The following NPSR1 variants were observed in gnomAD, a reference collection of about 807,000 sequenced individuals.
NPSR1 encodes the protein neuropeptide S receptor 1, also known as neuropeptide S receptor.
Under a neutral mutation model 46.9 loss-of-function variants are expected in NPSR1, and 48 were observed. The observed-to-expected ratio is 1.02, with a 90% CI of 0.81 to 1.30. The LOEUF is 1.30. Ranked by LOEUF, NPSR1 falls within the 50% of genes most tolerant of loss-of-function variation. The probability of loss-of-function intolerance (pLI) is 0.00; values close to 1 mark genes in which losing one functional copy is unlikely to be tolerated. For synonymous variants in NPSR1, 176 were observed against 168.1 expected (o/e 1.05, Z -0.36); for missense variants, 450 against 449.5 (o/e 1.00, Z -0.01).
chr7:34,845,027 C>A, intron 7 of NPSR1, 45 bp downstream of exon 7: 2 of 1,375,222 alleles, frequency 1.5e-6, no homozygotes, highest in Non-Finnish European at 2.1e-6. Context: ...ATGAACGTCC[C>A]AAAAGCAAGT....
intron 6 of NPSR1, 82 bp downstream of exon 6, chr7:34,834,542 C>T: frequency 1.1e-6 from 1 of 935,158 alleles, no homozygotes; most frequent in Non-Finnish European, 1.8e-6. Flanking sequence ...GAGCTAGGGA[C>T]TCCTTGATAC....
rs372280119 is a variant in NPSR1, at chr7:34,802,075, G to C, written c.385-9695G>C. On this transcript the variant is annotated intron_variant, in intron 3 of 8. Coordinates refer to ENST00000360581, the MANE Select transcript of NPSR1 (RefSeq NM_207172.2). ...TCAATGAAATAAAAGAGGATACAAA[G>C]AAATGGAAGAACATTCCATGCTCAT... 6.0e-5 allele frequency among the ~76,000 whole-genome samples: 9 copies of C among 149,452 alleles called. 1 individual carries two copies. The highest frequency in any genetic ancestry group is 2.1e-4 in the South Asian group (1 of 4,810).
At chr7:34,751,438 C>T (rs1478599624) in intron 2 of NPSR1, 4 of 1,085,478 alleles carry the variant, frequency 3.7e-6, no homozygotes, top group Non-Finnish European at 5.7e-6. Flanking sequence ...TGTCTGTTTG[C>T]CATCCAACAG....
chr7:34,759,388 C>T (rs946724861), intron 2 of NPSR1, among the ~76,000 whole-genome samples: 1 of 152,072 alleles, frequency 6.6e-6, no homozygotes, highest in African/African-American at 2.4e-5. Context: ...ATCATAGGTT[C>T]TTCTTTTATT....
chr7:34,829,188 AG>A (rs1177849118), intron 5 of NPSR1, among the ~76,000 whole-genome samples: 1 of 152,202 alleles, frequency 6.6e-6, no homozygotes, highest in Non-Finnish European at 1.5e-5. Flanking sequence ...TAAGACTAAA[AG>A]AAGTTAACTG....
intron 4 of NPSR1, among the ~76,000 whole-genome samples, chr7:34,825,650 G>A (rs1789792806): frequency 6.6e-6 from 1 of 152,152 alleles, no homozygotes; most frequent in African/African-American, 2.4e-5. Context: ...AGTCAAGGAA[G>A]TGGCCACCAG....
intron 3 of NPSR1, among the ~76,000 whole-genome samples, chr7:34,808,324 C>A (rs1788809479): frequency 6.6e-6 from 1 of 152,152 alleles, no homozygotes; most frequent in South Asian, 2.1e-4. Context: ...TTGTTACAGC[C>A]ACCATAGGAA....
At chr7:34,849,530 T>A in intron 8 of NPSR1, 35 bp from the exon 9 acceptor site, 1 of 1,612,972 alleles carries the variant, frequency 6.2e-7, no homozygotes, top group Non-Finnish European at 8.5e-7. Context: ...TAGGTCAAAT[T>A]ATTTCCCTCC....
intron 2 of NPSR1, among the ~76,000 whole-genome samples, chr7:34,728,404 T>A (rs1381264867): frequency 6.6e-6 from 1 of 152,178 alleles, no homozygotes; most frequent in African/African-American, 2.4e-5. Context: ...GGGTGCACGC[T>A]GGCAGAGCCA....
chr7:34,810,133 C>T (rs189331892), intron 3 of NPSR1, among the ~76,000 whole-genome samples: 1 of 152,280 alleles, frequency 6.6e-6, no homozygotes, highest in Non-Finnish European at 1.5e-5. Context: ...AACAAAAAGG[C>T]ACGAATTCAG....
intron 3 of NPSR1, among the ~76,000 whole-genome samples, chr7:34,798,625 A>T (rs1039246603): frequency 6.6e-6 from 1 of 152,202 alleles, no homozygotes; most frequent in Non-Finnish European, 1.5e-5. Context: ...AATTAAATGG[A>T]TCTAATTGGC....
intron 4 of NPSR1, among the ~76,000 whole-genome samples, chr7:34,820,049 A>G (rs1015332512): frequency 5.3e-5 from 8 of 152,250 alleles, no homozygotes; most frequent in Admixed American, 5.2e-4. Flanking sequence ...GTTCACATGT[A>G]CAATGATAAT....
At chr7:34,746,311 A>G (rs1785200751) in intron 2 of NPSR1, among the ~76,000 whole-genome samples, 1 of 152,228 alleles carries the variant, frequency 6.6e-6, no homozygotes, top group Non-Finnish European at 1.5e-5. Flanking sequence ...TAATAGTGCA[A>G]TAGAGTAAGA....
chr7:34,726,935 G>A (rs1358534991), intron 2 of NPSR1, among the ~76,000 whole-genome samples: 3 of 152,030 alleles, frequency 2.0e-5, no homozygotes, highest in Non-Finnish European at 4.4e-5. Context: ...TTATAAGGGT[G>A]TATATGTGTC....
intron 3 of NPSR1, among the ~76,000 whole-genome samples, chr7:34,786,897 A>C (rs1787490048): frequency 6.6e-6 from 1 of 152,102 alleles, no homozygotes; most frequent in South Asian, 2.1e-4. Context: ...TGTTTTATTT[A>C]TAGAGCACAG....
chr7:34,811,826 C>A lies in NPSR1; in HGVS notation c.441C>A (p.Tyr147Ter), dbSNP rs1360260807. 1.2e-6 allele frequency: 2 copies of A among 1,613,546 alleles called. No homozygotes were observed. The highest frequency in any genetic ancestry group is 3.3e-5 in the Admixed American group (2 of 59,876). Reference sequence around the variant, plus strand: ...TGGTGTCCCTCAGCATAGACAGATACCATGCCATCGTCTACCCCATGAAGT... The same window carrying A: ...TGGTGTCCCTCAGCATAGACAGATAACATGCCATCGTCTACCCCATGAAGT... The part of the protein sequence containing the change: ...YVLVSLSIDR[Y>*]HAIVYPMKFL... Residue 147 changes from tyrosine (Y) to a stop codon, truncating the protein, a stop_gained, in exon 4 of 9, where the codon TAC (tyrosine) becomes TAA (stop). Coordinates refer to ENST00000360581, the MANE Select transcript of NPSR1 (RefSeq NM_207172.2). LOFTEE classifies it high-confidence loss of function.
At chr7:34,749,913 G>A (rs1785423119) in intron 2 of NPSR1, among the ~76,000 whole-genome samples, 1 of 151,918 alleles carries the variant, frequency 6.6e-6, no homozygotes, top group Non-Finnish European at 1.5e-5. Context: ...ATTGTTCCTG[G>A]ACCAAATAGG....
chr7:34,811,400 C>T (rs963003114), intron 3 of NPSR1, among the ~76,000 whole-genome samples: 2 of 152,208 alleles, frequency 1.3e-5, no homozygotes, highest in Admixed American at 1.3e-4. Flanking sequence ...CTCTGCCATG[C>T]TGTTCTGCCA....
intron 1 of NPSR1, among the ~76,000 whole-genome samples, chr7:34,671,347 CATATT>C (rs1163597525): frequency 3.9e-5 from 6 of 152,122 alleles, no homozygotes; most frequent in Non-Finnish European, 8.8e-5. Flanking sequence ...AGAGTGAGCA[CATATT>C]ATATTTATTA....
Sources: gnomAD v4.1 joint callset for allele counts (sites outside exome capture counted in the v4.1 genomes callset) on GRCh38, gnomAD v4.1.1 for gene constraint, MANE v1.5 for transcripts, NCBI Gene and HGNC (gene_info 2026-07-23, HGNC 2026-07-21) for gene names.